The following SUPT3H variants were observed in gnomAD, a reference collection of about 807,000 sequenced individuals.
SUPT3H encodes the protein SPT3 homolog, SAGA and STAGA complex component, also known as transcription initiation protein SPT3 homolog.
SUPT3H carries 44 observed loss-of-function variants against 44.3 expected under a neutral mutation model. That is an observed-to-expected ratio of 0.99 (90% CI 0.78 to 1.28). The LOEUF (loss-of-function observed/expected upper bound fraction) is 1.28, where lower values mean the gene tolerates loss of function less well. Ranked by LOEUF, SUPT3H falls within the 50% of genes most tolerant of loss-of-function variation. SUPT3H has a pLI of 0.00. For synonymous variants in SUPT3H, 124 were observed against 125.6 expected (o/e 0.99, Z 0.09); for missense variants, 380 against 387.1 (o/e 0.98, Z 0.15).
At chr6:44,988,543 A>AAG (rs1780152277) in intron 6 of SUPT3H, among the ~76,000 whole-genome samples, 1 of 143,168 alleles carries the variant, frequency 7.0e-6, no homozygotes, top group South Asian at 2.2e-4. Flanking sequence ...AAAAAAAAAA[A>AAG]TTTATGGGCT....
At chr6:45,282,187 T>C (rs1198087439) in intron 2 of SUPT3H, among the ~76,000 whole-genome samples, 1 of 152,142 alleles carries the variant, frequency 6.6e-6, no homozygotes, top group Non-Finnish European at 1.5e-5. Flanking sequence ...GCACCTCTCC[T>C]CCTCTAAAGG....
downstream of SUPT3H, among the ~76,000 whole-genome samples, chr6:44,825,546 G>C (rs1767677315): frequency 6.6e-6 from 1 of 152,212 alleles, no homozygotes; most frequent in African/African-American, 2.4e-5. Context: ...TTAATCTGCT[G>C]TTCCTCAGTT....
intron 2 of SUPT3H, among the ~76,000 whole-genome samples, chr6:45,135,919 A>G (rs910047592): frequency 6.6e-6 from 1 of 152,232 alleles, no homozygotes; most frequent in Non-Finnish European, 1.5e-5. Context: ...TATGGGGATC[A>G]ATGTGATCGC....
chr6:45,303,641 A>AT (rs1330493610), intron 2 of SUPT3H, among the ~76,000 whole-genome samples: 1 of 149,804 alleles, frequency 6.7e-6, no homozygotes, highest in African/African-American at 2.5e-5. Flanking sequence ...ATTCTATTTA[A>AT]TAGAATGAGA....
At chr6:45,219,317 A>G (rs918136303) in intron 2 of SUPT3H, among the ~76,000 whole-genome samples, 1 of 152,106 alleles carries the variant, frequency 6.6e-6, no homozygotes, top group African/African-American at 2.4e-5. Context: ...AAAACAGATG[A>G]ATAAAATAGA....
intron 2 of SUPT3H, among the ~76,000 whole-genome samples, chr6:45,242,660 A>G (rs1351163989): frequency 1.3e-5 from 2 of 152,212 alleles, no homozygotes; most frequent in Non-Finnish European, 2.9e-5. Flanking sequence ...ACTCAACAAG[A>G]TCAAGTGTAT....
intron 3 of SUPT3H, among the ~76,000 whole-genome samples, chr6:45,055,775 A>G (rs1301998295): frequency 6.6e-6 from 1 of 152,174 alleles, no homozygotes; most frequent in African/African-American, 2.4e-5. Context: ...GAAAGACTTC[A>G]TGACCAAAAA....
chr6:45,048,443 T>C (rs1789776304), intron 3 of SUPT3H, among the ~76,000 whole-genome samples: 1 of 152,136 alleles, frequency 6.6e-6, no homozygotes, highest in African/African-American at 2.4e-5. Context: ...TTTTTGCATA[T>C]GAAATAAGAG....
At chr6:44,948,322 A>G (rs1382759667) in intron 9 of SUPT3H, among the ~76,000 whole-genome samples, 1 of 152,354 alleles carries the variant, frequency 6.6e-6, no homozygotes, top group East Asian at 1.9e-4. Flanking sequence ...TTCAGGACAT[A>G]GGCATGGGCA....
intron 2 of SUPT3H, among the ~76,000 whole-genome samples, chr6:45,257,834 C>A (rs546244105): frequency 6.6e-6 from 1 of 152,112 alleles, no homozygotes; most frequent in South Asian, 2.1e-4. Flanking sequence ...TCACTGGAGG[C>A]GATTGTGGCT....
intron 3 of SUPT3H, among the ~76,000 whole-genome samples, chr6:45,025,279 C>T (rs558868898): frequency 3.3e-5 from 5 of 152,182 alleles, no homozygotes; most frequent in Non-Finnish European, 7.4e-5. Context: ...TCTCATCTAA[C>T]GTAGATAGAA....
At chr6:45,043,479 A>C (rs933915028) in intron 3 of SUPT3H, among the ~76,000 whole-genome samples, 3 of 152,184 alleles carry the variant, frequency 2.0e-5, no homozygotes, top group African/African-American at 7.2e-5. Context: ...TTTCCTCCTC[A>C]GGCAAAATTC....
chr6:45,237,875 T>C (rs1298142586), intron 2 of SUPT3H, among the ~76,000 whole-genome samples: 1 of 152,196 alleles, frequency 6.6e-6, no homozygotes, highest in East Asian at 1.9e-4. Context: ...TTATACAACC[T>C]ATGGGAGCAT....
At chr6:44,895,612 T>C (rs1204340159) in intron 10 of SUPT3H, among the ~76,000 whole-genome samples, 1 of 152,186 alleles carries the variant, frequency 6.6e-6, no homozygotes, top group Admixed American at 6.5e-5. Context: ...GTATCACCTG[T>C]CTTTTTAACA....
At chr6:45,126,775 T>C (rs1802497167) in intron 2 of SUPT3H, among the ~76,000 whole-genome samples, 1 of 152,200 alleles carries the variant, frequency 6.6e-6, no homozygotes, top group Non-Finnish European at 1.5e-5. Flanking sequence ...CTGTATATCT[T>C]TTCTGTACTG....
At chr6:45,281,736 G>C (rs1778123595) in intron 2 of SUPT3H, among the ~76,000 whole-genome samples, 1 of 152,098 alleles carries the variant, frequency 6.6e-6, no homozygotes, top group Admixed American at 6.5e-5. Flanking sequence ...CAGCTTTGAA[G>C]AGAGTGGTTC....
At chr6:45,104,532 T>C (rs981100627) in intron 3 of SUPT3H, among the ~76,000 whole-genome samples, 2 of 152,100 alleles carry the variant, frequency 1.3e-5, no homozygotes, top group African/African-American at 2.4e-5. Flanking sequence ...ATTTGTATTA[T>C]GTTATTATTG....
At chr6:45,283,903 A>G (rs1386025642) in intron 2 of SUPT3H, among the ~76,000 whole-genome samples, 2 of 152,218 alleles carry the variant, frequency 1.3e-5, no homozygotes, top group Non-Finnish European at 2.9e-5. Context: ...ACCACAGTGA[A>G]ATCAAACTAG....
intron 4 of SUPT3H, among the ~76,000 whole-genome samples, chr6:45,020,148 TA>T (rs555366177): frequency 1.7e-3 from 259 of 152,018 alleles, no homozygotes; most frequent in African/African-American, 6.1e-3. Context: ...ATTTCAGGCT[TA>T]AAAAATTACT....
Sources: gnomAD v4.1 joint callset for allele counts (sites outside exome capture counted in the v4.1 genomes callset) on GRCh38, gnomAD v4.1.1 for gene constraint, MANE v1.5 for transcripts, NCBI Gene and HGNC (gene_info 2026-07-23, HGNC 2026-07-21) for gene names.